EPHA3: variants seen among roughly 807,000 people sequenced by gnomAD.
The protein encoded by EPHA3 is EPH receptor A3.
In EPHA3, 42 loss-of-function variants were observed where a neutral mutation model predicts 107.1. The ratio of observed to expected loss-of-function variants is 0.39; its 90% CI spans 0.31 to 0.51. The LOEUF (loss-of-function observed/expected upper bound fraction) is 0.51, where lower values mean the gene tolerates loss of function less well. Ranked by LOEUF, EPHA3 falls within the 20% of genes least tolerant of loss-of-function variation. EPHA3 has a pLI of 0.78. For missense variants in EPHA3, 1,183 were observed against 1,211.2 expected (o/e 0.98, Z 0.35); for synonymous variants, 461 against 424.8 (o/e 1.09, Z -1.05).
chr3:89,201,423 A>G (rs7374904), intron 2 of EPHA3, among the ~76,000 whole-genome samples: 27,791 of 152,176 alleles, frequency 0.18, 3,062 homozygotes, highest in African/African-American at 0.32. Context: ...TTTTAAAATA[A>G]AAATCTGTCA....
chr3:89,210,088 G>T lies in EPHA3; in HGVS notation c.382G>T (p.Asp128Tyr). The change falls in exon 3 of 17, where the codon GAT (aspartate) becomes TAT (tyrosine). Residue 128 changes from aspartate (D) to tyrosine (Y), a missense_variant. Coordinates refer to ENST00000336596, the MANE Select transcript of EPHA3 (RefSeq NM_005233.6). The stretch of plus-strand genomic sequence containing the variant: ...ATTCAACCTGTACTACATGGAGTCT[G>T]ATGATGATCATGGGGTGAAATTTCG... The part of the protein sequence containing the change: ...ETFNLYYMES[D>Y]DDHGVKFREH... 4 of 1,614,048 alleles carry T rather than the reference G, an allele frequency of 2.5e-6. No homozygotes were observed. Among genetic ancestry groups the T allele is most frequent in the Non-Finnish European group, 3.4e-6 (4 of 1,179,944 alleles).
At chr3:89,117,929 A>G (rs1362097183) in intron 1 of EPHA3, among the ~76,000 whole-genome samples, 1 of 152,094 alleles carries the variant, frequency 6.6e-6, no homozygotes, top group Non-Finnish European at 1.5e-5. Context: ...TTACAGAATA[A>G]AAGAACTGAC....
intron 2 of EPHA3, among the ~76,000 whole-genome samples, chr3:89,158,678 G>A (rs568252898): frequency 3.1e-4 from 47 of 152,044 alleles, no homozygotes; most frequent in African/African-American, 1.0e-3. Context: ...TGTATATCCC[G>A]TTGCTTCTCA....
chr3:89,176,118 A>G (rs1308875908), intron 2 of EPHA3, among the ~76,000 whole-genome samples: 1 of 152,068 alleles, frequency 6.6e-6, no homozygotes, highest in African/African-American at 2.4e-5. Context: ...ATATATTCCA[A>G]TTTGGAGATA....
chr3:89,295,773 T>C (rs1237928632), intron 3 of EPHA3, among the ~76,000 whole-genome samples: 1 of 151,776 alleles, frequency 6.6e-6, no homozygotes, highest in African/African-American at 2.4e-5. Flanking sequence ...GTATTTTTAG[T>C]AGAGATGAGT....
chr3:89,367,668 C>T lies in EPHA3; in HGVS notation c.1306+25578C>T, dbSNP rs563946157. ...TTTCCAATCATAATTTCCTTTACTC[C>T]TTGTTACAAAGATAGATATATCTCC... On this transcript the variant is annotated intron_variant, in intron 5 of 16. Coordinates refer to ENST00000336596, the MANE Select transcript of EPHA3 (RefSeq NM_005233.6). Among the ~76,000 whole-genome samples, 388 of 150,826 alleles carry T rather than the reference C, an allele frequency of 2.6e-3. 2 individuals carry two copies. Among genetic ancestry groups the T allele is most frequent in the African/African-American group, 9.1e-3 (377 of 41,392 alleles).
rs553795212 is a variant in EPHA3 at position 89,161,942 on chromosome 3, A to C, written c.153+34669A>C. On this transcript the variant is annotated intron_variant, in intron 2 of 16. Coordinates refer to ENST00000336596, the MANE Select transcript of EPHA3 (RefSeq NM_005233.6). ...CAGTGAGCCATGATTGCACCACTGC[A>C]CTCCAGCCTGGGTGATGGGAGTGAG... Among the ~76,000 whole-genome samples, 504 of 151,810 alleles carry C rather than the reference A, an allele frequency of 3.3e-3. 1 individual carries two copies. The highest frequency in any genetic ancestry group is 7.0e-3 in the Middle Eastern group (2 of 286).
chr3:89,186,950 A>T (rs1705581189), intron 2 of EPHA3, among the ~76,000 whole-genome samples: 1 of 152,088 alleles, frequency 6.6e-6, no homozygotes, highest in Non-Finnish European at 1.5e-5. Context: ...TTGCTGAGTT[A>T]TGCCATGCAA....
At chr3:89,395,762 C>T (rs1708837328) in intron 5 of EPHA3, 75 bp from the exon 6 acceptor site, 1 of 1,548,954 alleles carries the variant, frequency 6.5e-7, no homozygotes, top group Non-Finnish European at 8.8e-7. Context: ...CCTTCTCCCT[C>T]TGTTCTTATT....
At position 89,300,829 on chromosome 3, in the gene EPHA3, GC is replaced by G. The variant is rs1316349708; in HGVS notation, c.815-40085del. 5.3e-5 allele frequency among the ~76,000 whole-genome samples: 8 copies of G among 152,110 alleles called. No homozygotes were observed. In the East Asian group the frequency reaches 1.5e-3, roughly 29 times the overall value. ...AGGGAACCTCTCAAATAAAATGCAC[GC>G]CTGTTTCTCCTTACCATACAGCCAT... On this transcript the variant is annotated intron_variant, in intron 3 of 16. Coordinates refer to ENST00000336596, the MANE Select transcript of EPHA3 (RefSeq NM_005233.6).
chr3:89,399,687 T>C (rs1179643254), intron 7 of EPHA3: 2 of 1,260,802 alleles, frequency 1.6e-6, no homozygotes, highest in East Asian at 5.8e-5. Flanking sequence ...TTTTTTCTTG[T>C]ATGCAAATCA....
At chr3:89,121,581 A>AC (rs1435922081) in intron 1 of EPHA3, among the ~76,000 whole-genome samples, 1 of 152,096 alleles carries the variant, frequency 6.6e-6, no homozygotes, top group African/African-American at 2.4e-5. Flanking sequence ...ACATAGTGAA[A>AC]CCCCGTCTCT....
chr3:89,214,986 AGAC>A (rs1281102038), intron 3 of EPHA3, among the ~76,000 whole-genome samples: 1 of 151,972 alleles, frequency 6.6e-6, no homozygotes, highest in Non-Finnish European at 1.5e-5. Flanking sequence ...CTTCTATAAA[AGAC>A]GAGTTTAGTT....
At chr3:89,116,065 G>C (rs1030041008) in intron 1 of EPHA3, among the ~76,000 whole-genome samples, 2 of 152,132 alleles carry the variant, frequency 1.3e-5, no homozygotes, top group Non-Finnish European at 2.9e-5. Flanking sequence ...TGCGTGTGGG[G>C]GGGACCCACT....
chr3:89,127,417 C>A, intron 2 of EPHA3, 144 bp downstream of exon 2: 1 of 553,034 alleles, frequency 1.8e-6, no homozygotes, highest in South Asian at 3.2e-5. Context: ...TATGGAGTAC[C>A]ACAGCTTGAC....
intron 3 of EPHA3, among the ~76,000 whole-genome samples, chr3:89,303,543 G>C (rs1166267890): frequency 6.6e-6 from 1 of 151,362 alleles, no homozygotes; most frequent in Non-Finnish European, 1.5e-5. Context: ...ATTAGAATAG[G>C]TTGTCACATA....
intron 5 of EPHA3, among the ~76,000 whole-genome samples, chr3:89,348,262 G>A (rs1366787824): frequency 7.3e-6 from 1 of 136,154 alleles, no homozygotes; most frequent in Admixed American, 7.5e-5. Flanking sequence ...TTTTTGGTTG[G>A]TAAACTATTG....
At chr3:89,420,974 A>G (rs1275269559) in intron 11 of EPHA3, among the ~76,000 whole-genome samples, 1 of 151,482 alleles carries the variant, frequency 6.6e-6, no homozygotes, top group Non-Finnish European at 1.5e-5. Context: ...AACAAACAAT[A>G]ACTGTAAAGG....
chr3:89,310,636 T>C (rs1449554007), intron 3 of EPHA3, among the ~76,000 whole-genome samples: 1 of 151,876 alleles, frequency 6.6e-6, no homozygotes, highest in Non-Finnish European at 1.5e-5. Flanking sequence ...ATAGATATTA[T>C]ATATACCATG....
Sources: gnomAD v4.1 joint callset for allele counts (sites outside exome capture counted in the v4.1 genomes callset) on GRCh38, gnomAD v4.1.1 for gene constraint, MANE v1.5 for transcripts, NCBI Gene and HGNC (gene_info 2026-07-23, HGNC 2026-07-21) for gene names.